The following EED variants were observed in gnomAD, a reference collection of about 807,000 sequenced individuals.
EED encodes the protein polycomb protein EED.
Under a neutral mutation model 61.0 loss-of-function variants are expected in EED, and 9 were observed. The ratio of observed to expected loss-of-function variants is 0.15; its 90% CI spans 0.09 to 0.26. EED has a LOEUF of 0.26. Ranked by LOEUF, EED falls within the 10% of genes least tolerant of loss-of-function variation. The pLI, the probability that EED is intolerant of heterozygous loss-of-function variation, is 1.00. For missense variants in EED, 315 were observed against 542.3 expected (o/e 0.58, Z 4.16); for synonymous variants, 187 against 174.4 (o/e 1.07, Z -0.57).
intron 9 of EED, among the ~76,000 whole-genome samples, chr11:86,274,315 T>A (rs1487341491): frequency 1.3e-5 from 2 of 152,236 alleles, no homozygotes; most frequent in Non-Finnish European, 2.9e-5. Flanking sequence ...CTATGTCAGA[T>A]CTGACATCCA....
In EED at chr11:86,259,834, A is replaced by C. The variant is rs144276948; in HGVS notation, c.634+2238A>C. The stretch of plus-strand genomic sequence containing the variant: ...CACCTACTTAGGGTGGCTGTAATAA[A>C]AACGTTAGATACTAACAAGTATTGA... On this transcript the variant is annotated intron_variant, in intron 6 of 11. Coordinates refer to ENST00000263360, the MANE Select transcript of EED (RefSeq NM_003797.5). 2.0e-5 allele frequency among the ~76,000 whole-genome samples: 3 copies of C among 152,362 alleles called. No individual in the cohort carries two copies. The East Asian group carries it at 5.8e-4, about 29-fold the overall frequency.
At chr11:86,252,376 G>T in intron 3 of EED, 136 bp downstream of exon 3, 1 of 540,948 alleles carries the variant, frequency 1.8e-6, no homozygotes, top group Non-Finnish European at 3.2e-6. Context: ...TAAGAGTGAA[G>T]GTTTCTAGAA....
chr11:86,263,374 G>A (rs1335127239), intron 6 of EED, among the ~76,000 whole-genome samples: 4 of 152,010 alleles, frequency 2.6e-5, no homozygotes, highest in Admixed American at 2.0e-4. Flanking sequence ...GCCTCTCCTC[G>A]TTACCCAGTT....
intron 9 of EED, chr11:86,270,120 T>C: frequency 2.9e-6 from 2 of 701,096 alleles, no homozygotes; most frequent in Non-Finnish European, 5.2e-6. Context: ...CAGCAATGTA[T>C]GAGAGATCCA....
chr11:86,265,993 C>T, intron 7 of EED, 90 bp from the exon 8 acceptor site: 2 of 1,106,064 alleles, frequency 1.8e-6, no homozygotes, highest in Non-Finnish European at 2.6e-6. Flanking sequence ...ATTTGAAATA[C>T]AGTTTTCACT....
At chr11:86,286,355 G>C in the EED span, among the ~76,000 whole-genome samples, 3 of 152,102 alleles carry the variant, frequency 2.0e-5, no homozygotes, top group Non-Finnish European at 4.4e-5. Flanking sequence ...TGACAAATAG[G>C]ATGAAGTCTT....
chr11:86,270,721 G>A (rs1472502426), intron 9 of EED, among the ~76,000 whole-genome samples: 1 of 152,150 alleles, frequency 6.6e-6, no homozygotes, highest in African/African-American at 2.4e-5. Flanking sequence ...TTAGGTGGAA[G>A]TTCATTTTTC....
chr11:86,245,467 G>C (rs892844049), intron 1 of EED, 124 bp downstream of exon 1: 1 of 796,990 alleles, frequency 1.3e-6, no homozygotes, highest in Non-Finnish European at 2.0e-6. Flanking sequence ...AGGAAAACGC[G>C]GGCGTGCGGG....
At chr11:86,246,515 G>T (rs1368686868) in intron 1 of EED, among the ~76,000 whole-genome samples, 2 of 152,126 alleles carry the variant, frequency 1.3e-5, no homozygotes, top group Non-Finnish European at 2.9e-5. Flanking sequence ...GGAAAAGATG[G>T]GAAAGGATTC....
At chr11:86,287,089 ATTTCTTTTTTTT>A in the EED span, among the ~76,000 whole-genome samples, 4 of 150,264 alleles carry the variant, frequency 2.7e-5, no homozygotes, top group South Asian at 2.1e-4. Context: ...GAAATTTTCT[ATTTCTTTTTTTT>A]TTTCTTTTTG....
chr11:86,282,345 G>A (rs1366129172), downstream of EED, among the ~76,000 whole-genome samples: 1 of 152,180 alleles, frequency 6.6e-6, no homozygotes, highest in Admixed American at 6.5e-5. Flanking sequence ...AATTGTGATT[G>A]TCTGAATATA....
At chr11:86,283,519 C>A (rs1946346988), downstream of EED, among the ~76,000 whole-genome samples, 1 of 152,142 alleles carries the variant, frequency 6.6e-6, no homozygotes, top group African/African-American at 2.4e-5. Flanking sequence ...ACTGCTATAA[C>A]CCCAGCACCT....
downstream of EED, among the ~76,000 whole-genome samples, chr11:86,281,263 G>A (rs148616893): frequency 1.7e-3 from 262 of 152,308 alleles, 1 homozygote; most frequent in African/African-American, 6.2e-3. Context: ...AAACAGAAAA[G>A]TGCCGTCTTG....
intron 6 of EED, among the ~76,000 whole-genome samples, chr11:86,259,878 A>G (rs891459944): frequency 1.3e-5 from 2 of 152,260 alleles, no homozygotes; most frequent in Non-Finnish European, 2.9e-5. Context: ...AGAAGAAATC[A>G]GAGCCCTCTC....
At chr11:86,250,907 G>A (rs1217277933) in intron 2 of EED, among the ~76,000 whole-genome samples, 2 of 151,916 alleles carry the variant, frequency 1.3e-5, no homozygotes, top group Non-Finnish European at 2.9e-5. Flanking sequence ...CAAAGAAAAA[G>A]GTGTAAAAAA....
chr11:86,264,471 ACTGTATACC>A, intron 7 of EED: 1 of 386,302 alleles, frequency 2.6e-6, no homozygotes, highest in East Asian at 3.9e-5. Flanking sequence ...AATTACTTGC[ACTGTATACC>A]AATCCCTGGA....
intron 5 of EED, 75 bp from the exon 6 acceptor site, chr11:86,257,440 A>C: frequency 8.4e-7 from 1 of 1,194,772 alleles, no homozygotes; most frequent in Non-Finnish European, 1.1e-6. Context: ...CTATTTTTAC[A>C]TTCTCTAAAG....
chr11:86,268,257 TAATG>T (rs1946031020), intron 8 of EED, 195 bp from the exon 9 acceptor site: 2 of 444,276 alleles, frequency 4.5e-6, no homozygotes, highest in African/African-American at 2.0e-5. Flanking sequence ...AATTGGATAA[TAATG>T]GAGAAAAATA....
intron 1 of EED, among the ~76,000 whole-genome samples, chr11:86,246,544 A>G (rs183148781): frequency 1.3e-5 from 2 of 152,324 alleles, no homozygotes; most frequent in African/African-American, 2.4e-5. Flanking sequence ...GAGACAAGAT[A>G]GATATTCTTG....
Sources: allele counts gnomAD v4.1 joint callset (sites outside exome capture counted in the v4.1 genomes callset), GRCh38; gene constraint gnomAD v4.1.1; transcripts MANE v1.5; gene names NCBI Gene and HGNC (gene_info 2026-07-23, HGNC 2026-07-21).